Variants in CDYL2 observed in about 807,000 individuals in gnomAD.
CDYL2 encodes the protein chromodomain Y like 2.
CDYL2 carries 23 observed loss-of-function variants against 49.4 expected under a neutral mutation model. That is an observed-to-expected ratio of 0.47 (90% CI 0.34 to 0.66). CDYL2 has a LOEUF of 0.66. CDYL2 is among the 30% of genes least tolerant of loss of function. The pLI is 0.01. For synonymous variants in CDYL2, 360 were observed against 268.8 expected (o/e 1.34, Z -3.32); for missense variants, 678 against 656.4 (o/e 1.03, Z -0.36).
chr16:80,800,738 T>C (rs761542167), intron 1 of CDYL2, among the ~76,000 whole-genome samples: 13 of 152,098 alleles, frequency 8.5e-5, no homozygotes, highest in Non-Finnish European at 1.2e-4. Context: ...GGGTACTTTA[T>C]ATACTTAAAC....
At chr16:80,662,379 C>G (rs576415628) in intron 2 of CDYL2, among the ~76,000 whole-genome samples, 1 of 152,154 alleles carries the variant, frequency 6.6e-6, no homozygotes, top group Non-Finnish European at 1.5e-5. Context: ...TCCTCCCTTC[C>G]CCACTTGCTA....
At chr16:80,780,467 C>A (rs1282609146) in intron 1 of CDYL2, among the ~76,000 whole-genome samples, 2 of 146,160 alleles carry the variant, frequency 1.4e-5, no homozygotes, top group Non-Finnish European at 3.0e-5. Context: ...TGCAGTGGCA[C>A]CAACTCGGCT....
intron 1 of CDYL2, among the ~76,000 whole-genome samples, chr16:80,723,415 C>A (rs1222846260): frequency 6.6e-6 from 1 of 152,206 alleles, no homozygotes; most frequent in East Asian, 1.9e-4. Context: ...ATCTGAGGTG[C>A]AAGCTGGGAT....
At chr16:80,651,750 G>C (rs1007297385) in intron 2 of CDYL2, among the ~76,000 whole-genome samples, 1 of 152,190 alleles carries the variant, frequency 6.6e-6, no homozygotes, top group South Asian at 2.1e-4. Flanking sequence ...AGCGGAGTTT[G>C]TGAAACTAAA....
intron 1 of CDYL2, among the ~76,000 whole-genome samples, chr16:80,800,849 T>C (rs1907904400): frequency 6.6e-6 from 1 of 152,312 alleles, no homozygotes; most frequent in African/African-American, 2.4e-5. Flanking sequence ...CCACTGATTA[T>C]TTCTTCCTGA....
rs373125838 is a variant in CDYL2 at position 80,640,851 on chromosome 16, TAAGA to T, written c.617-7619_617-7616del. Among the ~76,000 whole-genome samples, 37 of 152,190 alleles carry T rather than the reference TAAGA, an allele frequency of 2.4e-4. No homozygotes were observed. The South Asian group carries it at 7.5e-3, about 31-fold the overall frequency. On this transcript the variant is annotated intron_variant, in intron 2 of 6. Transcript: ENST00000570137. ...TCTGAATAGCAGAATTGAACAAGCG[TAAGA>T]AAGAATTAGTGAGCCTGAAGACAGG...
chr16:80,765,057 C>CAA (rs933163217), intron 1 of CDYL2, among the ~76,000 whole-genome samples: 6 of 47,732 alleles, frequency 1.3e-4, no homozygotes, highest in African/African-American at 2.1e-4. Flanking sequence ...GATTCCGTCT[C>CAA]AAAAAAAAAA....
intron 1 of CDYL2, among the ~76,000 whole-genome samples, chr16:80,694,593 C>T (rs1910547984): frequency 6.6e-6 from 1 of 152,114 alleles, no homozygotes; most frequent in Admixed American, 6.5e-5. Flanking sequence ...TACTTTAATA[C>T]ATTTACACAT....
At chr16:80,790,019 A>G (rs375327976) in intron 1 of CDYL2, among the ~76,000 whole-genome samples, 1 of 152,262 alleles carries the variant, frequency 6.6e-6, no homozygotes, top group Non-Finnish European at 1.5e-5. Flanking sequence ...ATACTTATGT[A>G]ACAAACTAGC....
intron 1 of CDYL2, among the ~76,000 whole-genome samples, chr16:80,733,214 G>C (rs1016919677): frequency 2.6e-5 from 4 of 152,142 alleles, no homozygotes; most frequent in Non-Finnish European, 5.9e-5. Flanking sequence ...AAAATCAGTG[G>C]TCAAAAAAAG....
chr16:80,621,817 C>A (rs1368813812), intron 3 of CDYL2, among the ~76,000 whole-genome samples: 3 of 152,124 alleles, frequency 2.0e-5, no homozygotes, highest in South Asian at 2.1e-4. Context: ...ATTTTTAGGT[C>A]TCTATGACCT....
At chr16:80,647,109 T>A (rs1908384268) in intron 2 of CDYL2, among the ~76,000 whole-genome samples, 1 of 152,098 alleles carries the variant, frequency 6.6e-6, no homozygotes, top group Non-Finnish European at 1.5e-5. Flanking sequence ...CCATTTACAA[T>A]AGCCACAAAT....
chr16:80,650,272 G>T (rs1597148847), intron 2 of CDYL2, among the ~76,000 whole-genome samples: 1 of 152,076 alleles, frequency 6.6e-6, no homozygotes, highest in South Asian at 2.1e-4. Context: ...AACTCTATTG[G>T]AAAAAAATCT....
At chr16:80,617,937 C>T (rs962733360) in intron 4 of CDYL2, among the ~76,000 whole-genome samples, 1 of 152,146 alleles carries the variant, frequency 6.6e-6, no homozygotes, top group Admixed American at 6.5e-5. Context: ...ATGCGCTGGC[C>T]CCACCTCAGC....
In CDYL2 at chr16:80,598,668, T is replaced by C. The variant is rs1905944480; in HGVS notation, c.*5720A>G. 3 of 152,150 alleles carry C rather than the reference T, an allele frequency of 2.0e-5. No homozygotes were observed. Among genetic ancestry groups the C allele is most frequent in the Admixed American group, 2.0e-4 (3 of 15,268 alleles). 9.4% of individuals were successfully genotyped at this position (152,150 alleles called of 1,614,324 possible). A position where few individuals can be genotyped will look rare whatever the true frequency, so the allele number is the denominator to read the frequency against. ...GAGTACCAGGCCTCCACTTTTATGATATGGATACAGGCTTGGGACTACACA... is the reference window on the plus strand; with the variant it reads ...GAGTACCAGGCCTCCACTTTTATGACATGGATACAGGCTTGGGACTACACA... On this transcript the variant is annotated 3_prime_UTR_variant, in exon 7 of 7. Transcript: ENST00000570137.
chr16:80,687,827 TGG>T (rs1910259928), intron 1 of CDYL2, among the ~76,000 whole-genome samples: 1 of 152,214 alleles, frequency 6.6e-6, no homozygotes. Context: ...GCCTATCTCT[TGG>T]GGTTGTTGCG....
chr16:80,748,808 ATTC>A (rs780226627), intron 1 of CDYL2, among the ~76,000 whole-genome samples: 27 of 152,112 alleles, frequency 1.8e-4, no homozygotes, highest in Non-Finnish European at 3.5e-4. Context: ...CTTGTCTCTC[ATTC>A]TTCTTATTCC....
At chr16:80,690,247 A>G (rs1910362039) in intron 1 of CDYL2, among the ~76,000 whole-genome samples, 1 of 152,202 alleles carries the variant, frequency 6.6e-6, no homozygotes, top group African/African-American at 2.4e-5. Flanking sequence ...AACAGTCACA[A>G]AGGCTCCTCC....
At chr16:80,780,397 C>CTTTTTTTTTTTT (rs1022730941) in intron 1 of CDYL2, among the ~76,000 whole-genome samples, 2 of 105,354 alleles carry the variant, frequency 1.9e-5, no homozygotes, top group African/African-American at 4.0e-5. Flanking sequence ...TGCACAATAT[C>CTTTTTTTTTTTT]TTTTTTTTTT....
Sources: gnomAD v4.1 joint callset for allele counts (sites outside exome capture counted in the v4.1 genomes callset) on GRCh38, gnomAD v4.1.1 for gene constraint, MANE v1.5 for transcripts, NCBI Gene and HGNC (gene_info 2026-07-23, HGNC 2026-07-21) for gene names.